Variants in CPPED1 observed in about 807,000 individuals in gnomAD.
CPPED1 encodes serine/threonine-protein phosphatase CPPED1.
In CPPED1, 28 loss-of-function variants were observed where a neutral mutation model predicts 28.0. That is an observed-to-expected ratio of 1.00 (90% CI 0.74 to 1.37). CPPED1 has a LOEUF of 1.37. CPPED1 is among the 40% of genes most tolerant of loss of function. The pLI, the probability that CPPED1 is intolerant of heterozygous loss-of-function variation, is 0.00. For missense variants in CPPED1, 504 were observed against 416.5 expected (o/e 1.21, Z -1.83); for synonymous variants, 198 against 180.2 (o/e 1.10, Z -0.79).
At chr16:12,715,419 G>A (rs548602067) in intron 2 of CPPED1, among the ~76,000 whole-genome samples, 1 of 152,104 alleles carries the variant, frequency 6.6e-6, no homozygotes, top group Non-Finnish European at 1.5e-5. Context: ...CAGCACTCTG[G>A]GAGGCTGAGG....
intron 2 of CPPED1, among the ~76,000 whole-genome samples, chr16:12,751,113 A>G (rs1209150763): frequency 1.3e-5 from 2 of 152,244 alleles, no homozygotes; most frequent in Admixed American, 1.3e-4. Context: ...AAAATAAGGT[A>G]TGCCTGTAAT....
intron 3 of CPPED1, among the ~76,000 whole-genome samples, chr16:12,685,784 C>T (rs1261849000): frequency 6.6e-6 from 1 of 152,156 alleles, no homozygotes; most frequent in Non-Finnish European, 1.5e-5. Flanking sequence ...CCACGGCCAC[C>T]CAGGGTCTGG....
At chr16:12,784,533 G>A (rs1402148577) in intron 1 of CPPED1, among the ~76,000 whole-genome samples, 1 of 144,968 alleles carries the variant, frequency 6.9e-6, no homozygotes, top group Non-Finnish European at 1.5e-5. Flanking sequence ...AAGATTTCCT[G>A]AAGATCTGAC....
At chr16:12,744,034 T>C (rs1342456879) in intron 2 of CPPED1, among the ~76,000 whole-genome samples, 2 of 152,038 alleles carry the variant, frequency 1.3e-5, no homozygotes, top group Non-Finnish European at 2.9e-5. Context: ...CTCAGCACTT[T>C]GGGAGGCTGA....
At chr16:12,798,550 G>A (rs2080640606) in intron 1 of CPPED1, among the ~76,000 whole-genome samples, 1 of 152,164 alleles carries the variant, frequency 6.6e-6, no homozygotes, top group Non-Finnish European at 1.5e-5. Context: ...TTTCCAGAGA[G>A]TACAAGGAAA....
chr16:12,789,969 A>G (rs561596971), intron 1 of CPPED1, among the ~76,000 whole-genome samples: 2 of 152,240 alleles, frequency 1.3e-5, no homozygotes, highest in African/African-American at 4.8e-5. Flanking sequence ...TAACTTATAA[A>G]AGACTGTCAC....
chr16:12,767,343 A>G (rs771971608), intron 2 of CPPED1, among the ~76,000 whole-genome samples: 21 of 152,152 alleles, frequency 1.4e-4, no homozygotes, highest in Non-Finnish European at 3.1e-4. Flanking sequence ...CAAACCCTCA[A>G]TGCATTGGAT....
intron 2 of CPPED1, chr16:12,761,243 C>T (rs539173718): frequency 7.1e-6 from 1 of 141,208 alleles, no homozygotes; most frequent in South Asian, 2.2e-4. Context: ...CGCCACCGCA[C>T]TCCAGCCTGG....
intron 2 of CPPED1, among the ~76,000 whole-genome samples, chr16:12,742,190 C>T (rs1343942125): frequency 1.3e-5 from 2 of 152,162 alleles, no homozygotes; most frequent in Non-Finnish European, 2.9e-5. Flanking sequence ...TTTTACATAA[C>T]TACAGACCTG....
At chr16:12,802,271 C>A (rs1176389446) in intron 1 of CPPED1, among the ~76,000 whole-genome samples, 1 of 152,146 alleles carries the variant, frequency 6.6e-6, no homozygotes, top group Non-Finnish European at 1.5e-5. Flanking sequence ...AGAGCAAAAT[C>A]TTCATGTTGG....
chr16:12,719,448 C>A (rs1381982124), intron 2 of CPPED1, among the ~76,000 whole-genome samples: 1 of 151,670 alleles, frequency 6.6e-6, no homozygotes, highest in Non-Finnish European at 1.5e-5. Flanking sequence ...CAATTATGTC[C>A]ACCTAGCACC....
intron 3 of CPPED1, among the ~76,000 whole-genome samples, chr16:12,689,731 C>T (rs150783669): frequency 4.0e-4 from 61 of 152,130 alleles, no homozygotes; most frequent in African/African-American, 1.4e-3. Context: ...AGAAAACATA[C>T]ATGCCCACAT....
chr16:12,767,154 G>C (rs1012205208), intron 2 of CPPED1, among the ~76,000 whole-genome samples: 1 of 152,076 alleles, frequency 6.6e-6, no homozygotes, highest in African/African-American at 2.4e-5. Context: ...TATGTAAGCC[G>C]GGGGTTTCAT....
At chr16:12,699,417 T>A (rs2080008482) in intron 3 of CPPED1, among the ~76,000 whole-genome samples, 1 of 152,012 alleles carries the variant, frequency 6.6e-6, no homozygotes, top group Admixed American at 6.6e-5. Flanking sequence ...GCTGGCAGGC[T>A]TCGATTCACA....
intron 2 of CPPED1, among the ~76,000 whole-genome samples, chr16:12,778,491 G>C (rs1460567347): frequency 6.6e-6 from 1 of 152,050 alleles, no homozygotes; most frequent in Non-Finnish European, 1.5e-5. Flanking sequence ...GGCCAGGCTG[G>C]TCTTGAATTC....
intron 2 of CPPED1, among the ~76,000 whole-genome samples, chr16:12,762,912 T>C (rs914043840): frequency 1.4e-5 from 2 of 146,384 alleles, no homozygotes; most frequent in Non-Finnish European, 3.0e-5. Flanking sequence ...CCCAGCTAAT[T>C]AAAAAAAAAA....
intron 2 of CPPED1, among the ~76,000 whole-genome samples, chr16:12,758,050 A>G (rs2080383057): frequency 6.6e-6 from 1 of 152,058 alleles, no homozygotes; most frequent in Non-Finnish European, 1.5e-5. Context: ...AGAGTCAAAG[A>G]AAGAGAAAAC....
chr16:12,676,239 G>C (rs992156302), intron 3 of CPPED1, among the ~76,000 whole-genome samples: 12 of 152,168 alleles, frequency 7.9e-5, no homozygotes, highest in African/African-American at 2.9e-4. Context: ...GTTAGCTTGA[G>C]ACAATAAACA....
intron 3 of CPPED1, among the ~76,000 whole-genome samples, chr16:12,668,076 C>T (rs542343400): frequency 1.3e-5 from 2 of 152,258 alleles, no homozygotes; most frequent in South Asian, 4.1e-4. Context: ...TAAATGCTGA[C>T]AGCAAATAAC....
Sources: allele counts gnomAD v4.1 joint callset (sites outside exome capture counted in the v4.1 genomes callset), GRCh38; gene constraint gnomAD v4.1.1; transcripts MANE v1.5; gene names NCBI Gene and HGNC (gene_info 2026-07-23, HGNC 2026-07-21).